DLGAP1: variants seen among roughly 807,000 people sequenced by gnomAD.
The protein encoded by DLGAP1 is disks large-associated protein 1.
In DLGAP1, 11 loss-of-function variants were observed where a neutral mutation model predicts 90.8. That is an observed-to-expected ratio of 0.12 (90% confidence interval 0.08 to 0.20). DLGAP1 has a LOEUF of 0.20. Ranked by LOEUF, DLGAP1 falls within the 10% of genes least tolerant of loss-of-function variation. DLGAP1 has a pLI of 1.00. For synonymous variants in DLGAP1, 558 were observed against 540.7 expected, an observed-to-expected ratio of 1.03 and a Z score of -0.44; for missense variants, 1,050 against 1,333.8, an observed-to-expected ratio of 0.79 and a Z score of 3.31.
chr18:3,912,488 G>A (rs1421281990), intron 3 of DLGAP1, among the ~76,000 whole-genome samples: 1 of 152,170 alleles, frequency 6.6e-6, no homozygotes, highest in Non-Finnish European at 1.5e-5. Flanking sequence ...ATAGCTCAGG[G>A]AACAAACCAA....
At chr18:3,643,557 G>A (rs2059014029) in intron 7 of DLGAP1, among the ~76,000 whole-genome samples, 1 of 151,578 alleles carries the variant, frequency 6.6e-6, no homozygotes. Flanking sequence ...CAGCTACTTG[G>A]GAGGCTGAGG....
chr18:3,897,359 C>G (rs1257949608), intron 3 of DLGAP1, among the ~76,000 whole-genome samples: 2 of 152,156 alleles, frequency 1.3e-5, no homozygotes, highest in African/African-American at 4.8e-5. Flanking sequence ...AAAATAACTT[C>G]TCAGTTATCC....
chr18:4,112,523 A>T (rs2075992004), intron 2 of DLGAP1, among the ~76,000 whole-genome samples: 2 of 152,102 alleles, frequency 1.3e-5, no homozygotes, highest in African/African-American at 4.8e-5. Context: ...TGAAACATTT[A>T]TTATTGTTGA....
chr18:4,447,563 T>A (rs773381571), intron 1 of DLGAP1, among the ~76,000 whole-genome samples: 2 of 152,080 alleles, frequency 1.3e-5, no homozygotes, highest in Non-Finnish European at 2.9e-5. Context: ...CTCAACAGTG[T>A]ATGCAATGAT....
At chr18:3,592,438 AGAT>A (rs1051430845) in intron 7 of DLGAP1, among the ~76,000 whole-genome samples, 1 of 152,240 alleles carries the variant, frequency 6.6e-6, no homozygotes, top group African/African-American at 2.4e-5. Context: ...GCAACAACAA[AGAT>A]GATGAGATGA....
intron 7 of DLGAP1, among the ~76,000 whole-genome samples, chr18:3,642,119 C>T (rs1482841321): frequency 1.3e-5 from 2 of 152,154 alleles, no homozygotes; most frequent in Non-Finnish European, 2.9e-5. Context: ...TCCACAAACA[C>T]TCCTCCGCTA....
intron 2 of DLGAP1, among the ~76,000 whole-genome samples, chr18:4,016,686 G>A (rs1786530912): frequency 6.6e-6 from 1 of 152,146 alleles, no homozygotes; most frequent in African/African-American, 2.4e-5. Flanking sequence ...TCTTTCTCAA[G>A]CTCTAGGTAT....
intron 3 of DLGAP1, among the ~76,000 whole-genome samples, chr18:3,949,569 C>T (rs953535014): frequency 3.9e-5 from 6 of 152,198 alleles, no homozygotes; most frequent in Non-Finnish European, 8.8e-5. Context: ...CCTCACAGGA[C>T]CCTGGCTGTT....
intron 3 of DLGAP1, among the ~76,000 whole-genome samples, chr18:3,991,023 T>C (rs1398003372): frequency 6.6e-6 from 1 of 152,124 alleles, no homozygotes; most frequent in African/African-American, 2.4e-5. Flanking sequence ...AAGGGGTACA[T>C]GAGCAGGTTT....
chr18:4,042,176 G>C (rs1171649005), intron 2 of DLGAP1, among the ~76,000 whole-genome samples: 1 of 152,012 alleles, frequency 6.6e-6, no homozygotes, highest in Non-Finnish European at 1.5e-5. Context: ...GACAGTTTTG[G>C]GTTAATGGAT....
chr18:3,801,335 C>T (rs1405484966), intron 5 of DLGAP1, among the ~76,000 whole-genome samples: 4 of 152,298 alleles, frequency 2.6e-5, no homozygotes, highest in East Asian at 3.9e-4. Flanking sequence ...TGTGTAACTT[C>T]GTATATCAGC....
chr18:4,258,816 C>T (rs763901717), intron 1 of DLGAP1, among the ~76,000 whole-genome samples: 1 of 151,704 alleles, frequency 6.6e-6, no homozygotes, highest in South Asian at 2.1e-4. Flanking sequence ...TGAAACTTTG[C>T]CTTTTCCTAC....
intron 2 of DLGAP1, among the ~76,000 whole-genome samples, chr18:4,065,297 C>T (rs1192888173): frequency 1.3e-5 from 2 of 151,930 alleles, no homozygotes; most frequent in Non-Finnish European, 2.9e-5. Context: ...CTCATCACTC[C>T]TATTCAACGT....
intron 8 of DLGAP1, chr18:3,580,230 T>G: frequency 6.2e-7 from 1 of 1,600,004 alleles, no homozygotes; most frequent in Non-Finnish European, 8.6e-7. Flanking sequence ...TCCCCTCAGG[T>G]GAACCATCTG....
rs541737451 is a variant in DLGAP1, at chr18:4,150,741, G to A, written c.-159+439C>T. The stretch of plus-strand genomic sequence containing the variant: ...GAGCCACCACGCCCTGCCTTTCATT[G>A]CCTTTCTTAGCACACTTACATCATG... On this transcript the variant is annotated intron_variant, in intron 2 of 12. Coordinates refer to ENST00000315677, the MANE Select transcript of DLGAP1 (RefSeq NM_004746.4). Among the ~76,000 whole-genome samples, 8 of 152,302 alleles carry A rather than the reference G, an allele frequency of 5.3e-5. No individual in the cohort carries two copies. In the East Asian group the frequency reaches 1.5e-3, roughly 29 times the overall value.
At chr18:3,927,529 A>G (rs937347656) in intron 3 of DLGAP1, among the ~76,000 whole-genome samples, 1 of 152,244 alleles carries the variant, frequency 6.6e-6, no homozygotes, top group African/African-American at 2.4e-5. Context: ...TGAGCAGAGT[A>G]ACTGGCTGCA....
intron 1 of DLGAP1, among the ~76,000 whole-genome samples, chr18:4,327,313 C>T (rs916823025): frequency 6.6e-6 from 1 of 151,960 alleles, no homozygotes; most frequent in Non-Finnish European, 1.5e-5. Context: ...CAAAACATCA[C>T]ATTACATCCT....
chr18:3,875,247 C>G (rs1223693), intron 4 of DLGAP1, among the ~76,000 whole-genome samples: 1 of 152,074 alleles, frequency 6.6e-6, no homozygotes, highest in Non-Finnish European at 1.5e-5. Context: ...ATAAAAAATA[C>G]GCACTCATTT....
intron 3 of DLGAP1, among the ~76,000 whole-genome samples, chr18:3,926,929 A>G (rs1036214115): frequency 2.0e-5 from 3 of 152,182 alleles, no homozygotes; most frequent in Admixed American, 1.3e-4. Context: ...AGCTCAAAAA[A>G]TGATGGGGAC....
Sources: allele counts gnomAD v4.1 joint callset (sites outside exome capture counted in the v4.1 genomes callset), GRCh38; gene constraint gnomAD v4.1.1; transcripts MANE v1.5; gene names NCBI Gene and HGNC (gene_info 2026-07-23, HGNC 2026-07-21).